The following TENT5D variants were observed in gnomAD, a reference collection of about 807,000 sequenced individuals.
TENT5D encodes the protein cancer/testis antigen 112.
For missense variants in TENT5D, 191 were observed against 287.0 expected (o/e 0.67, Z 2.42); for synonymous variants, 103 against 100.6 (o/e 1.02, Z -0.15).
intron 3 of TENT5D, among the ~76,000 whole-genome samples, chrX:80,374,633 T>G (rs1449588340): frequency 9.0e-6 from 1 of 111,476 alleles, no homozygotes; most frequent in Non-Finnish European, 1.9e-5. Flanking sequence ...AAAGTTTAAT[T>G]AGATCTCATT....
intron 3 of TENT5D, among the ~76,000 whole-genome samples, chrX:80,376,613 T>C (rs1327329160): frequency 1.8e-5 from 2 of 111,727 alleles, no homozygotes; most frequent in Non-Finnish European, 3.8e-5. Flanking sequence ...GATTATTTTG[T>C]ACATAAAATC....
chrX:80,383,229 T>C (rs1163424618), intron 3 of TENT5D, among the ~76,000 whole-genome samples: 1 of 112,335 alleles, frequency 8.9e-6, no homozygotes, highest in Non-Finnish European at 1.9e-5. Context: ...TTATATGACA[T>C]TCCACGATTT....
intron 3 of TENT5D, among the ~76,000 whole-genome samples, chrX:80,343,689 C>T (rs1930005785): frequency 9.0e-6 from 1 of 111,244 alleles, no homozygotes; most frequent in Non-Finnish European, 1.9e-5. Flanking sequence ...CATGAGCCAC[C>T]GCGCCTGGCC....
At chrX:80,340,340 C>A (rs1929935117) in intron 2 of TENT5D, among the ~76,000 whole-genome samples, 1 of 111,055 alleles carries the variant, frequency 9.0e-6, no homozygotes, top group Non-Finnish European at 1.9e-5. Flanking sequence ...CTATACTACT[C>A]TGGACTCCTG....
chrX:80,361,734 G>T (rs1253040545), intron 3 of TENT5D, among the ~76,000 whole-genome samples: 2 of 111,883 alleles, frequency 1.8e-5, no homozygotes, highest in Non-Finnish European at 3.8e-5. Context: ...TTTTAATATT[G>T]CAGTGCCACC....
intron 3 of TENT5D, among the ~76,000 whole-genome samples, chrX:80,359,636 G>A (rs1307880863): frequency 9.0e-6 from 1 of 110,954 alleles, no homozygotes; most frequent in Non-Finnish European, 1.9e-5. Context: ...GGGCCTATTG[G>A]GGGGTAGGGG....
At chrX:80,444,453 G>A (rs1313130380) in exon 3 of TENT5D, 1 of 121,966 alleles carries the variant, frequency 8.2e-6, no homozygotes, top group Non-Finnish European at 1.9e-5. Flanking sequence ...CAGATACAGG[G>A]TTTTTTGCCC....
chrX:80,368,896 G>T (rs748829702), intron 3 of TENT5D, among the ~76,000 whole-genome samples: 1 of 111,637 alleles, frequency 9.0e-6, no homozygotes, highest in Non-Finnish European at 1.9e-5. Flanking sequence ...TCAGGAACTT[G>T]CTGCTTATAT....
intron 2 of TENT5D, among the ~76,000 whole-genome samples, chrX:80,340,611 A>G (rs1018208399): frequency 1.8e-5 from 2 of 111,129 alleles, no homozygotes; most frequent in East Asian, 2.8e-4. Context: ...TTGCAATAGT[A>G]TGTACCAAAA....
In TENT5D at chrX:80,442,878, A is replaced by C. The variant is rs138588734; in HGVS notation, c.339A>C (p.Pro113=). The C allele has an allele frequency of 6.9e-5, 83 of 1,209,228 alleles. No individual in the cohort carries two copies. In the African/African-American group the frequency reaches 1.1e-3, roughly 17 times the overall value. Residue 113 remains proline (P), a synonymous_variant, in exon 3 of 3, where the codon CCA becomes CCC. Coordinates refer to ENST00000308293, the Ensembl canonical transcript of TENT5D. The stretch of plus-strand genomic sequence containing the variant: ...TAGACTGTCTACTTGACTTTTTACC[A>C]AAAGATGTAAAGAAGGAAAAGCTCT...
intron 2 of TENT5D, among the ~76,000 whole-genome samples, chrX:80,337,577 G>A (rs765740167): frequency 9.0e-6 from 1 of 110,961 alleles, no homozygotes; most frequent in African/African-American, 3.3e-5. Context: ...CATAGGTATG[G>A]CTCGCTTATT....
chrX:80,400,172 A>C (rs1458696517), intron 3 of TENT5D, among the ~76,000 whole-genome samples: 1 of 111,607 alleles, frequency 9.0e-6, no homozygotes, highest in Non-Finnish European at 1.9e-5. Context: ...ATTACTATTA[A>C]GTCCTGTACT....
intron 3 of TENT5D, among the ~76,000 whole-genome samples, chrX:80,356,146 A>T (rs1930279848): frequency 8.9e-6 from 1 of 112,407 alleles, no homozygotes; most frequent in Non-Finnish European, 1.9e-5. Context: ...ATTCAGTTAC[A>T]TATCGGTAAT....
chrX:80,440,716 A>G lies in TENT5D; in HGVS notation c.-18-1806A>G, dbSNP rs760598313. Among the ~76,000 whole-genome samples, 18 of 111,180 alleles carry G rather than the reference A, an allele frequency of 1.6e-4. 1 individual carries two copies. Among genetic ancestry groups the G allele is most frequent in the Non-Finnish European group, 3.4e-4 (18 of 52,631 alleles). On this transcript the variant is annotated intron_variant, in intron 2 of 2. Coordinates refer to ENST00000308293, the Ensembl canonical transcript of TENT5D. ...AAGGAAAATATATATTTGCAAAACA[A>G]ATTTGCACATGAAGAAGGAATTTTA...
intron 3 of TENT5D, among the ~76,000 whole-genome samples, chrX:80,395,774 G>A (rs1000086672): frequency 4.6e-5 from 5 of 107,965 alleles, no homozygotes; most frequent in Non-Finnish European, 3.8e-5. Flanking sequence ...CTACAGTGGC[G>A]TAGAAAACTA....
At chrX:80,377,262 T>C (rs1239498757) in intron 3 of TENT5D, among the ~76,000 whole-genome samples, 1 of 111,749 alleles carries the variant, frequency 8.9e-6, no homozygotes, top group Non-Finnish European at 1.9e-5. Flanking sequence ...ATACTTTAAG[T>C]TCTAGGGTAC....
At position 80,348,240 on chromosome X, in the gene TENT5D, C is replaced by A. The variant is rs1425272847; in HGVS notation, c.-142+5676C>A. ...TAGCTTGATGGGGATACCCTTGAAT[C>A]TGTAAATTACTTTGGTCAGTATGGC... On this transcript the variant is annotated intron_variant, in intron 3 of 4. Transcript: ENST00000538312. 2.7e-5 allele frequency among the ~76,000 whole-genome samples: 3 copies of A among 111,904 alleles called. 1 individual carries two copies. The Admixed American group carries it at 2.8e-4, about 11-fold the overall frequency.
chrX:80,337,324 A>G, intron 2 of TENT5D, among the ~76,000 whole-genome samples: 1 of 111,907 alleles, frequency 8.9e-6, no homozygotes, highest in Middle Eastern at 4.7e-3. Flanking sequence ...AGGATATTAT[A>G]CCCTTTAAGT....
intron 1 of TENT5D, among the ~76,000 whole-genome samples, chrX:80,434,813 CTCTT>C (rs1367925361): frequency 1.0e-5 from 1 of 98,582 alleles, no homozygotes; most frequent in Non-Finnish European, 2.0e-5. Context: ...GACGGAGTCT[CTCTT>C]TGTCGCCTAG....
Sources: allele counts gnomAD v4.1 joint callset (sites outside exome capture counted in the v4.1 genomes callset), GRCh38; gene constraint gnomAD v4.1.1; transcripts MANE v1.5; gene names NCBI Gene and HGNC (gene_info 2026-07-23, HGNC 2026-07-21).